SLC7A2: variants seen among roughly 807,000 people sequenced by gnomAD.
The protein encoded by SLC7A2 is solute carrier family 7 member 2, also known as cationic amino acid transporter 2.
A neutral mutation model predicts 58.9 loss-of-function variants in SLC7A2; 48 were observed. The observed-to-expected ratio is 0.82, with a 90% confidence interval of 0.65 to 1.04. SLC7A2 has a LOEUF of 1.04. SLC7A2 is among the 50% of genes least tolerant of loss of function. The pLI is 0.00. For synonymous variants in SLC7A2, 363 were observed against 314.5 expected (o/e 1.15, Z -1.63); for missense variants, 1,029 against 818.8 (o/e 1.26, Z -3.13).
At position 17,544,549 on chromosome 8, in the gene SLC7A2, A is replaced by C. The variant is rs775023033; in HGVS notation, c.475A>C (p.Thr159Pro). 6 of 1,614,004 alleles carry C rather than the reference A, an allele frequency of 3.7e-6. No homozygotes were observed. In the Admixed American group the frequency reaches 1.0e-4, roughly 27 times the overall value. Reference sequence around the variant, plus strand: ...GAGGACATACTTCAGAATGAATTACACTGGTCTTGCAGAATATCCCGATTT... The same window carrying C: ...GAGGACATACTTCAGAATGAATTACCCTGGTCTTGCAGAATATCCCGATTT... ...FLRTYFRMNY[T>P]GLAEYPDFFA... Residue 159 changes from threonine (T) to proline (P), a missense_variant, in exon 4 of 13, where the codon ACT becomes CCT. By Grantham distance (38) the Thr-to-Pro change is conservative (BLOSUM62 -1). Coordinates refer to ENST00000494857, the MANE Select transcript of SLC7A2 (RefSeq NM_001370338.1).
At position 17,557,692 on chromosome 8, in the gene SLC7A2, G is replaced by A. The variant is rs192138062; in HGVS notation, c.1196-603G>A. 5.5e-3 allele frequency among the ~76,000 whole-genome samples: 830 copies of A among 151,544 alleles called. 7 individuals carry two copies. The highest frequency in any genetic ancestry group is 0.019 in the African/African-American group (765 of 40,854). On this transcript the variant is annotated intron_variant, in intron 8 of 12. Coordinates refer to ENST00000494857, the MANE Select transcript of SLC7A2 (RefSeq NM_001370338.1). ...AAAATACAAAAATTAGCCAGGTGTG[G>A]TGGCGCACGCCTGTAGTCCCAGCTA...
At chr8:17,548,972 A>G (rs1022439138) in intron 5 of SLC7A2, 129 bp downstream of exon 5, 1 of 793,274 alleles carries the variant, frequency 1.3e-6, no homozygotes, top group Admixed American at 2.7e-5. Context: ...GGAAAAAGAG[A>G]TTTAATGGAC....
At chr8:17,550,526 A>C in intron 6 of SLC7A2, 92 bp downstream of exon 6, 1 of 1,276,994 alleles carries the variant, frequency 7.8e-7, no homozygotes, top group Non-Finnish European at 1.1e-6. Flanking sequence ...GGAAAGAGAG[A>C]GGGATTTCGG....
chr8:17,506,127 G>A (rs887980414), intron 2 of SLC7A2, among the ~76,000 whole-genome samples: 1 of 151,916 alleles, frequency 6.6e-6, no homozygotes, highest in Non-Finnish European at 1.5e-5. Context: ...TGTAGGTGGA[G>A]TAGGACTTGT....
chr8:17,508,526 C>T (rs1028079708), intron 2 of SLC7A2, among the ~76,000 whole-genome samples: 1 of 152,052 alleles, frequency 6.6e-6, no homozygotes, highest in Non-Finnish European at 1.5e-5. Flanking sequence ...GAGTTCAAGA[C>T]CAGCCTGGCC....
intron 10 of SLC7A2, among the ~76,000 whole-genome samples, 197 bp from the exon 11 acceptor site, chr8:17,561,747 G>C (rs189315877): frequency 2.9e-4 from 44 of 152,306 alleles, no homozygotes; most frequent in African/African-American, 9.6e-4. Context: ...GAGTAAATAA[G>C]CAATGGTTCT....
chr8:17,534,979 A>G (rs979834703), intron 2 of SLC7A2, among the ~76,000 whole-genome samples: 1 of 151,986 alleles, frequency 6.6e-6, no homozygotes, highest in African/African-American at 2.4e-5. Flanking sequence ...AGCAGCTAAG[A>G]GTCCCTTGTG....
At position 17,497,111 on chromosome 8, in the gene SLC7A2, G is replaced by A. The variant is rs188090324; in HGVS notation, c.-195G>A. On this transcript the variant is annotated 5_prime_UTR_variant, in exon 1 of 13. Transcript: ENST00000494857. Reference sequence around the variant, plus strand: ...CCCTCCTTCTGCAGCGCGGCCGGCGGGCGCTCCTCTTCGCGGGACCAGCGA... The same window carrying A: ...CCCTCCTTCTGCAGCGCGGCCGGCGAGCGCTCCTCTTCGCGGGACCAGCGA... 29 of 151,500 alleles carry A rather than the reference G, an allele frequency of 1.9e-4. No homozygotes were observed. Among genetic ancestry groups the A allele is most frequent in the Admixed American group, 1.5e-3 (23 of 15,222 alleles). The allele number at this position is 151,500 out of a possible 1,614,324, so 9.4% of individuals were successfully genotyped here. A position where few individuals can be genotyped will look rare whatever the true frequency, so the allele number is the denominator to read the frequency against.
Position 17,551,957 on chromosome 8 carries a change from A to G in SLC7A2, c.1026A>G (p.Ala342=). Residue 342 remains alanine (A), a synonymous_variant, in exon 7 of 13, where the codon GCA becomes GCG. Coordinates refer to ENST00000494857, the MANE Select transcript of SLC7A2 (RefSeq NM_001370338.1). ...GGGGTCCTGCCAAATATGTCGTCGC[A>G]GCTGGTTCTCTCTGCGCCTTGTCAA... The part of the protein sequence containing the change: ...VGWGPAKYVV[A]AGSLCALSTS... 2 of 1,614,090 alleles carry G rather than the reference A, an allele frequency of 1.2e-6. No homozygotes were observed. Among genetic ancestry groups the G allele is most frequent in the Non-Finnish European group, 1.7e-6 (2 of 1,180,020 alleles).
At chr8:17,544,914 A>C (rs927111166) in intron 4 of SLC7A2, among the ~76,000 whole-genome samples, 1 of 152,214 alleles carries the variant, frequency 6.6e-6, no homozygotes. Context: ...CGGTGGTTTC[A>C]GTAAGGAAGA....
intron 2 of SLC7A2, among the ~76,000 whole-genome samples, chr8:17,519,549 G>A (rs997728105): frequency 6.6e-6 from 1 of 152,076 alleles, no homozygotes; most frequent in East Asian, 1.9e-4. Context: ...CTGTCCCTCC[G>A]GGTCAGCCTT....
At chr8:17,548,899 TG>T in intron 5 of SLC7A2, 56 bp downstream of exon 5, 2 of 1,426,174 alleles carry the variant, frequency 1.4e-6, no homozygotes, top group Non-Finnish European at 1.9e-6. Context: ...ATATTTTAAG[TG>T]GGTGTATTAG....
intron 10 of SLC7A2, among the ~76,000 whole-genome samples, 167 bp from the exon 11 acceptor site, chr8:17,561,777 A>C (rs1186031867): frequency 6.6e-6 from 1 of 152,194 alleles, no homozygotes; most frequent in Non-Finnish European, 1.5e-5. Context: ...GCAACTGGAC[A>C]TCTCTCTCCT....
chr8:17,544,734 G>T (rs1439736259), intron 4 of SLC7A2, 128 bp downstream of exon 4: 2 of 734,838 alleles, frequency 2.7e-6, no homozygotes, highest in South Asian at 4.2e-5. Context: ...TTATGTCACT[G>T]TTAGACATCT....
intron 5 of SLC7A2, 83 bp from the exon 6 acceptor site, chr8:17,550,218 C>A (rs1277444459): frequency 7.6e-7 from 1 of 1,310,684 alleles, no homozygotes; most frequent in African/African-American, 1.5e-5. Flanking sequence ...CAACCACCTT[C>A]CAAGGATATA....
In SLC7A2 at chr8:17,565,484, TG is replaced by T. The variant is rs1395402650; in HGVS notation, c.*339del. The T allele has an allele frequency of 4.8e-6, 1 of 207,510 alleles. No homozygotes were observed. Among genetic ancestry groups the T allele is most frequent in the African/African-American group, 2.3e-5 (1 of 43,354 alleles). The allele number at this position is 207,510 out of a possible 1,614,324, so 12.9% of individuals were successfully genotyped here. On this transcript the variant is annotated 3_prime_UTR_variant, in exon 13 of 13. Coordinates refer to ENST00000494857, the MANE Select transcript of SLC7A2 (RefSeq NM_001370338.1). ...CTATTATTGTGTTACATTTTTCCAG[TG>T]TCGTCATTAATCGGTGGCATATACT...
At chr8:17,551,129 A>C (rs368359933) in intron 6 of SLC7A2, among the ~76,000 whole-genome samples, 8 of 152,324 alleles carry the variant, frequency 5.3e-5, no homozygotes, top group Middle Eastern at 3.4e-3. Flanking sequence ...TAAGACTGCT[A>C]TTCTATCGCT....
chr8:17,494,657 A>T (rs1293217589), upstream of SLC7A2, among the ~76,000 whole-genome samples: 1 of 152,208 alleles, frequency 6.6e-6, no homozygotes, highest in Non-Finnish European at 1.5e-5. Flanking sequence ...AGTCTGTCTT[A>T]AGAGACTCAT....
chr8:17,543,568 C>G lies in SLC7A2; in HGVS notation c.229C>G (p.Leu77Val). ...SIVVSFLIAA[L>V]ASVMAGLCYA... ...CGTGGTGTCCTTCCTCATTGCTGCCCTGGCTTCAGTGATGGCTGGCCTCTG... is the reference window on the plus strand; with the variant it reads ...CGTGGTGTCCTTCCTCATTGCTGCCGTGGCTTCAGTGATGGCTGGCCTCTG... The change falls in exon 3 of 13, where the codon CTG (leucine) becomes GTG (valine). Residue 77 changes from leucine (L) to valine (V), a missense_variant. Transcript: ENST00000494857. The G allele has an allele frequency of 6.2e-7, 1 of 1,611,464 alleles. No homozygotes were observed. The highest frequency in any genetic ancestry group is 8.5e-7 in the Non-Finnish European group (1 of 1,178,742).
Sources: allele counts gnomAD v4.1 joint callset (sites outside exome capture counted in the v4.1 genomes callset), GRCh38; gene constraint gnomAD v4.1.1; transcripts MANE v1.5; gene names NCBI Gene and HGNC (gene_info 2026-07-23, HGNC 2026-07-21).